MEOX2: variants seen among roughly 807,000 people sequenced by gnomAD.
MEOX2 encodes the protein mesenchyme homeobox 2.
MEOX2 carries 11 observed loss-of-function variants against 27.0 expected under a neutral mutation model. The ratio of observed to expected loss-of-function variants is 0.41; its 90% CI spans 0.26 to 0.68. The LOEUF (loss-of-function observed/expected upper bound fraction) is 0.68. Ranked by LOEUF, MEOX2 falls within the 30% of genes least tolerant of loss-of-function variation. MEOX2 has a pLI of 0.33. For missense variants in MEOX2, 436 were observed against 385.4 expected (o/e 1.13, Z -1.10); for synonymous variants, 189 against 155.4 (o/e 1.22, Z -1.61).
intron 1 of MEOX2, among the ~76,000 whole-genome samples, chr7:15,636,387 C>T (rs1781479015): frequency 6.6e-6 from 1 of 151,826 alleles, no homozygotes; most frequent in Non-Finnish European, 1.5e-5. Flanking sequence ...ATAAATAATG[C>T]ATAAAGGTAA....
intron 1 of MEOX2, among the ~76,000 whole-genome samples, chr7:15,627,717 A>G (rs1300954015): frequency 6.6e-6 from 1 of 151,952 alleles, no homozygotes; most frequent in African/African-American, 2.4e-5. Flanking sequence ...TAACTAACGT[A>G]TAGAATTTCT....
At chr7:15,633,153 C>T (rs1401190304) in intron 1 of MEOX2, among the ~76,000 whole-genome samples, 1 of 151,806 alleles carries the variant, frequency 6.6e-6, no homozygotes, top group Non-Finnish European at 1.5e-5. Flanking sequence ...GTGTTTGAGG[C>T]CAATTCTTGT....
At chr7:15,672,108 AAC>A in intron 1 of MEOX2, among the ~76,000 whole-genome samples, 1 of 151,606 alleles carries the variant, frequency 6.6e-6, no homozygotes, top group African/African-American at 2.4e-5. Flanking sequence ...AAACAAAAAA[AAC>A]AAAAAAACAA....
At chr7:15,664,638 C>T (rs1479940975) in intron 1 of MEOX2, among the ~76,000 whole-genome samples, 1 of 152,132 alleles carries the variant, frequency 6.6e-6, no homozygotes, top group Admixed American at 6.6e-5. Flanking sequence ...AGGGCTAATT[C>T]ATTGGGTGGG....
At chr7:15,672,084 C>A (rs1318527346) in intron 1 of MEOX2, among the ~76,000 whole-genome samples, 1 of 151,130 alleles carries the variant, frequency 6.6e-6, no homozygotes, top group African/African-American at 2.5e-5. Flanking sequence ...CAGAGCAAGA[C>A]TCCGTTTAAA....
intron 1 of MEOX2, among the ~76,000 whole-genome samples, chr7:15,651,913 T>C (rs1356951459): frequency 6.6e-6 from 1 of 152,036 alleles, no homozygotes. Flanking sequence ...GATTACTTAG[T>C]AATTTCACTT....
At chr7:15,623,016 C>T (rs1361246979) in intron 2 of MEOX2, among the ~76,000 whole-genome samples, 1 of 152,154 alleles carries the variant, frequency 6.6e-6, no homozygotes, top group Admixed American at 6.6e-5. Flanking sequence ...TTGGACTTCC[C>T]ATCCTCCAGA....
chr7:15,662,801 C>T (rs1781938217), intron 1 of MEOX2, among the ~76,000 whole-genome samples: 2 of 152,070 alleles, frequency 1.3e-5, no homozygotes, highest in African/African-American at 2.4e-5. Context: ...TGAAACCACT[C>T]CAAAAGATTC....
rs188036706 is a variant in MEOX2 at position 15,624,476 on chromosome 7, T to C, written c.690+2270A>G. 4.3e-3 allele frequency among the ~76,000 whole-genome samples: 658 copies of C among 152,290 alleles called. 7 individuals carry two copies. The highest frequency in any genetic ancestry group is 4.4e-3 in the Non-Finnish European group (296 of 68,030). On this transcript the variant is annotated intron_variant, in intron 2 of 2. Coordinates refer to ENST00000262041, the MANE Select transcript of MEOX2 (RefSeq NM_005924.5). ...TGGTCACATGGCTTGCTTTGGACAA[T>C]GGGACACTAGCAAATATGACGTAAG...
At chr7:15,622,730 A>G (rs1781239627) in intron 2 of MEOX2, among the ~76,000 whole-genome samples, 1 of 152,190 alleles carries the variant, frequency 6.6e-6, no homozygotes. Flanking sequence ...AATCTAAGTA[A>G]TGGAATAGCC....
At position 15,644,526 on chromosome 7, in the gene MEOX2, T is replaced by C. The variant is rs545780292; in HGVS notation, c.518-17608A>G. ...CCCAAGAAAGTTCTCCAAGAAAAGGTGAATCTGCTCCTGCACCTTGGACAG... is the reference window on the plus strand; with the variant it reads ...CCCAAGAAAGTTCTCCAAGAAAAGGCGAATCTGCTCCTGCACCTTGGACAG... On this transcript the variant is annotated intron_variant, in intron 1 of 2. Coordinates refer to ENST00000262041, the MANE Select transcript of MEOX2 (RefSeq NM_005924.5). 3.9e-5 allele frequency among the ~76,000 whole-genome samples: 6 copies of C among 152,186 alleles called. No individual in the cohort carries two copies. In the South Asian group the frequency reaches 6.2e-4, roughly 16 times the overall value.
At position 15,650,866 on chromosome 7, in the gene MEOX2, C is replaced by A. The variant is rs1781722933; in HGVS notation, c.518-23948G>T. ...CAACAGAGGCACTCGATCTGCCTGC[C>A]TTTTATTAAAAGGGACTCCCAGAGA... On this transcript the variant is annotated intron_variant, in intron 1 of 2. Transcript: ENST00000262041. 1.3e-5 allele frequency among the ~76,000 whole-genome samples: 2 copies of A among 151,988 alleles called. 1 individual carries two copies. The highest frequency in any genetic ancestry group is 4.1e-4 in the South Asian group (2 of 4,822).
chr7:15,632,025 A>T (rs1781412943), intron 1 of MEOX2, among the ~76,000 whole-genome samples: 1 of 151,604 alleles, frequency 6.6e-6, no homozygotes. Context: ...GATTTGAAAA[A>T]TTTGCAAACA....
chr7:15,683,028 C>T (rs1482206947), intron 1 of MEOX2, among the ~76,000 whole-genome samples: 3 of 151,850 alleles, frequency 2.0e-5, no homozygotes, highest in Non-Finnish European at 1.5e-5. Flanking sequence ...CATGAAGCTG[C>T]TAGAGTTTGC....
intron 1 of MEOX2, among the ~76,000 whole-genome samples, chr7:15,634,321 G>A (rs1161194262): frequency 6.6e-6 from 1 of 151,898 alleles, no homozygotes; most frequent in African/African-American, 2.4e-5. Flanking sequence ...TTTGTAGAAT[G>A]TTTAGAACAT....
intron 1 of MEOX2, among the ~76,000 whole-genome samples, chr7:15,656,906 T>C (rs1781829589): frequency 6.6e-6 from 1 of 152,090 alleles, no homozygotes; most frequent in Non-Finnish European, 1.5e-5. Flanking sequence ...TTAGTCTTCC[T>C]TCACTTGAGA....
At chr7:15,626,618 T>C (rs1781311790) in intron 2 of MEOX2, 128 bp downstream of exon 2, 1 of 548,166 alleles carries the variant, frequency 1.8e-6, no homozygotes, top group Non-Finnish European at 3.1e-6. Flanking sequence ...AATTTTATCA[T>C]GGAATAGTAT....
intron 2 of MEOX2, among the ~76,000 whole-genome samples, chr7:15,625,027 C>T (rs1781278200): frequency 1.3e-5 from 2 of 152,130 alleles, no homozygotes; most frequent in Admixed American, 1.3e-4. Flanking sequence ...TAACCGTAGA[C>T]CACCCCCAAA....
At chr7:15,612,901 C>G (rs1781055639) in intron 2 of MEOX2, among the ~76,000 whole-genome samples, 1 of 152,184 alleles carries the variant, frequency 6.6e-6, no homozygotes, top group Admixed American at 6.5e-5. Context: ...GCACTCAAAG[C>G]ACTTGCGTCT....
Sources: allele counts gnomAD v4.1 joint callset (sites outside exome capture counted in the v4.1 genomes callset), GRCh38; gene constraint gnomAD v4.1.1; transcripts MANE v1.5; gene names NCBI Gene and HGNC (gene_info 2026-07-23, HGNC 2026-07-21).